The following TRIP12 variants were observed in gnomAD, a reference collection of about 807,000 sequenced individuals.
TRIP12 encodes the protein E3 ubiquitin-protein ligase TRIP12.
A neutral mutation model predicts 244.2 loss-of-function variants in TRIP12; 25 were observed. The ratio of observed to expected loss-of-function variants is 0.10; its 90% CI spans 0.07 to 0.14. The LOEUF is 0.14. Ranked by LOEUF, TRIP12 falls within the 10% of genes least tolerant of loss-of-function variation. The pLI, the probability that TRIP12 is intolerant of heterozygous loss-of-function variation, is 1.00. For synonymous variants in TRIP12, 905 were observed against 873.1 expected (o/e 1.04, Z -0.64); for missense variants, 1,677 against 2,486.4 (o/e 0.67, Z 6.92).
chr2:229,900,243 A>G (rs2070288935), intron 1 of TRIP12, among the ~76,000 whole-genome samples: 1 of 152,210 alleles, frequency 6.6e-6, no homozygotes, highest in Non-Finnish European at 1.5e-5. Flanking sequence ...GTTTCGCAAA[A>G]AGTAGAGTCA....
At chr2:229,793,613 A>G (rs528402398) in intron 26 of TRIP12, among the ~76,000 whole-genome samples, 11 of 152,326 alleles carry the variant, frequency 7.2e-5, no homozygotes, top group Middle Eastern at 3.4e-3. Context: ...TTACCTTGCT[A>G]TAATAGTTTT....
intron 38 of TRIP12, chr2:229,773,852 G>T: frequency 3.0e-6 from 1 of 332,452 alleles, no homozygotes; most frequent in Non-Finnish European, 5.5e-6. Context: ...CTAAGAAAAC[G>T]TGGTGTAATT....
chr2:229,780,107 C>G (rs2037615913), intron 34 of TRIP12, among the ~76,000 whole-genome samples: 1 of 152,178 alleles, frequency 6.6e-6, no homozygotes, highest in African/African-American at 2.4e-5. Flanking sequence ...AAACGTTTAA[C>G]TCTCTCAAAA....
intron 3 of TRIP12, among the ~76,000 whole-genome samples, 188 bp from the exon 4 acceptor site, chr2:229,859,762 A>G (rs959916330): frequency 1.3e-5 from 2 of 152,244 alleles, no homozygotes; most frequent in Non-Finnish European, 2.9e-5. Context: ...GACTTTGGAT[A>G]CTAAAATATC....
At chr2:229,858,006 T>C (rs1384040098) in intron 4 of TRIP12, among the ~76,000 whole-genome samples, 1 of 152,198 alleles carries the variant, frequency 6.6e-6, no homozygotes, top group Non-Finnish European at 1.5e-5. Flanking sequence ...TTAATTTACA[T>C]TGAGGTATAT....
At chr2:229,804,263 A>T in intron 18 of TRIP12, 36 bp from the exon 19 acceptor site, 1 of 1,527,658 alleles carries the variant, frequency 6.5e-7, no homozygotes, top group Non-Finnish European at 8.9e-7. Flanking sequence ...TGCAATCCTG[A>T]AGTGACAGAC....
intron 2 of TRIP12, among the ~76,000 whole-genome samples, chr2:229,862,364 C>G (rs1347325196): frequency 6.6e-6 from 1 of 151,864 alleles, no homozygotes; most frequent in Non-Finnish European, 1.5e-5. Context: ...TCAAATCATT[C>G]CATAGTTATT....
At chr2:229,771,392 C>T (rs2034285406) in intron 39 of TRIP12, 127 bp downstream of exon 39, 2 of 656,008 alleles carry the variant, frequency 3.0e-6, no homozygotes, top group Non-Finnish European at 5.2e-6. Context: ...TCCCAAACAT[C>T]CATCCCCTGC....
intron 29 of TRIP12, 111 bp downstream of exon 29, chr2:229,791,755 T>A: frequency 8.8e-7 from 1 of 1,140,000 alleles, no homozygotes; most frequent in Non-Finnish European, 1.3e-6. Flanking sequence ...AATGTGTGAT[T>A]TAGGGCCCCC....
At chr2:229,844,565 C>CT (rs1352667896) in intron 4 of TRIP12, among the ~76,000 whole-genome samples, 1 of 152,176 alleles carries the variant, frequency 6.6e-6, no homozygotes, top group Non-Finnish European at 1.5e-5. Flanking sequence ...AAAATATAGT[C>CT]TCCCCCACCA....
rs2037040955 is a variant in TRIP12, at chr2:229,778,510, C to T, written c.5287G>A (p.Ala1763Thr). 1 of 1,613,950 alleles carries T rather than the reference C, an allele frequency of 6.2e-7. No homozygotes were observed. Among genetic ancestry groups the T allele is most frequent in the Non-Finnish European group, 8.5e-7 (1 of 1,179,948 alleles). The change falls in exon 36 of 42, where the codon GCT (alanine) becomes ACT (threonine). Residue 1763 changes from alanine to threonine, a missense_variant. By Grantham distance (58) the Ala-to-Thr change is moderately conservative. This residue lies in a region of TRIP12 where 171 missense variants were observed against 388.4 expected (regional missense o/e 0.44). Coordinates refer to ENST00000675903, the MANE Select transcript of TRIP12 (RefSeq NM_001348323.3). The surrounding 1 kb of genome is among the most constrained non-coding windows in gnomAD (Gnocchi z 4.1). ...ALPFGRTAKP[A>T]HIAKVKMKFR... ...TTCATCTTAACCTTTGCGATATGAGCTGGCTTTGCTGTCCTACCAAAGGGA... is the reference window on the plus strand; with the variant it reads ...TTCATCTTAACCTTTGCGATATGAGTTGGCTTTGCTGTCCTACCAAAGGGA...
chr2:229,879,853 C>T (rs1323053443), intron 2 of TRIP12, 129 bp downstream of exon 2: 6 of 1,027,778 alleles, frequency 5.8e-6, no homozygotes, highest in Non-Finnish European at 7.3e-6. Flanking sequence ...CTTTTAAGTA[C>T]CTGGCTCACA....
chr2:229,907,969 CA>C (rs879490412), intron 1 of TRIP12, among the ~76,000 whole-genome samples: 495 of 136,998 alleles, frequency 3.6e-3, no homozygotes, highest in East Asian at 8.1e-3. Context: ...GAACTAGTGT[CA>C]AAAAAAAAAA....
intron 4 of TRIP12, 53 bp from the exon 5 acceptor site, chr2:229,840,980 T>C: frequency 7.6e-7 from 1 of 1,309,898 alleles, no homozygotes; most frequent in Non-Finnish European, 1.1e-6. Flanking sequence ...TTATCACTAA[T>C]TAAAAATTAT....
rs752903822 is a variant in TRIP12 at position 229,859,214 on chromosome 2, C to T, written c.585G>A (p.Glu195=). 1 of 1,614,080 alleles carries T rather than the reference C, an allele frequency of 6.2e-7. No individual in the cohort carries two copies. Among genetic ancestry groups the T allele is most frequent in the African/African-American group, 1.3e-5 (1 of 74,920 alleles). The change falls in exon 4 of 42, where the codon GAG becomes GAA. Residue 195 remains glutamate, a synonymous_variant. Transcript: ENST00000675903. ...CGGAGCCACTCTTTACACAAGAACTCTCTGTCCTTTTTCTTTTCTGACTCC... is the reference window on the plus strand; with the variant it reads ...CGGAGCCACTCTTTACACAAGAACTTTCTGTCCTTTTTCTTTTCTGACTCC... ...GSRSQKRKRT[E]SSCVKSGSGS... is the part of the protein sequence containing the mutation.
chr2:229,842,581 C>CA (rs1446017396), intron 4 of TRIP12, among the ~76,000 whole-genome samples: 1 of 151,810 alleles, frequency 6.6e-6, no homozygotes, highest in Non-Finnish European at 1.5e-5. Context: ...TAAAACACAC[C>CA]AAAAAACAGT....
At chr2:229,863,341 A>T (rs1418552929) in intron 2 of TRIP12, among the ~76,000 whole-genome samples, 1 of 152,084 alleles carries the variant, frequency 6.6e-6, no homozygotes, top group Non-Finnish European at 1.5e-5. Flanking sequence ...AATATATTTT[A>T]AAAATATAAA....
intron 8 of TRIP12, among the ~76,000 whole-genome samples, chr2:229,819,321 G>T (rs577757746): frequency 6.6e-6 from 1 of 152,298 alleles, no homozygotes; most frequent in South Asian, 2.1e-4. Flanking sequence ...AAGGCAAGTG[G>T]ATCACTTGAG....
At chr2:229,827,279 CAA>C (rs944363768) in intron 8 of TRIP12, among the ~76,000 whole-genome samples, 1 of 122,280 alleles carries the variant, frequency 8.2e-6, no homozygotes, top group Non-Finnish European at 1.7e-5. Flanking sequence ...AACTCCGTCT[CAA>C]AAAAAAAAAA....
Sources: allele counts gnomAD v4.1 joint callset (sites outside exome capture counted in the v4.1 genomes callset), GRCh38; gene constraint gnomAD v4.1.1; regional missense constraint gnomAD v4.1.1; non-coding constraint Gnocchi (gnomAD v3.1); transcripts MANE v1.5; gene names NCBI Gene and HGNC (gene_info 2026-07-23, HGNC 2026-07-21).